The following MYO18B variants were observed in gnomAD, a reference collection of about 807,000 sequenced individuals.
The protein encoded by MYO18B is unconventional myosin-XVIIIb.
Under a neutral mutation model 273.0 loss-of-function variants are expected in MYO18B, and 204 were observed. The observed-to-expected ratio is 0.75, with a 90% CI of 0.67 to 0.84. The LOEUF is 0.84. Among genes scored for constraint, MYO18B ranks in the 40% least tolerant of loss-of-function variants. MYO18B has a pLI of 0.00. For missense variants in MYO18B, 3,212 were observed against 3,287.6 expected, an observed-to-expected ratio of 0.98 and a Z score of 0.56; for synonymous variants, 1,330 against 1,305.7, an observed-to-expected ratio of 1.02 and a Z score of -0.40.
intron 12 of MYO18B, among the ~76,000 whole-genome samples, chr22:25,816,680 C>T (rs1170404437): frequency 1.3e-5 from 2 of 152,166 alleles, no homozygotes; most frequent in East Asian, 1.9e-4. Flanking sequence ...GAATTCTGTT[C>T]GTCATTCCCA....
chr22:25,914,650 C>A (rs2092225994), intron 33 of MYO18B, among the ~76,000 whole-genome samples: 1 of 124,292 alleles, frequency 8.0e-6, no homozygotes, highest in Non-Finnish European at 1.7e-5. Context: ...TCTGCCTTGA[C>A]AATCTTATCA....
At chr22:25,745,090 C>T (rs1284342506) in intron 1 of MYO18B, among the ~76,000 whole-genome samples, 1 of 152,148 alleles carries the variant, frequency 6.6e-6, no homozygotes, top group Admixed American at 6.5e-5. Context: ...TGAATGGGGG[C>T]AGCAAAAATA....
chr22:25,890,981 A>G (rs1221795078), intron 26 of MYO18B, 106 bp downstream of exon 26: 5 of 1,451,840 alleles, frequency 3.4e-6, no homozygotes, highest in Non-Finnish European at 4.6e-6. Flanking sequence ...AGCAAGATGC[A>G]CAGGTTGACT....
chr22:25,928,437 G>C (rs1223207329), intron 34 of MYO18B, among the ~76,000 whole-genome samples: 1 of 145,184 alleles, frequency 6.9e-6, no homozygotes, highest in East Asian at 2.0e-4. Flanking sequence ...CAAGTCCCCA[G>C]CTAAATCACA....
At chr22:26,033,720 C>CT (rs1569316698), downstream of MYO18B, among the ~76,000 whole-genome samples, 2 of 152,066 alleles carry the variant, frequency 1.3e-5, no homozygotes, top group African/African-American at 2.4e-5. Flanking sequence ...CTTTTCTTTT[C>CT]TTTCTTTCTC....
At chr22:25,755,185 T>G (rs533875001) in intron 1 of MYO18B, among the ~76,000 whole-genome samples, 1 of 152,224 alleles carries the variant, frequency 6.6e-6, no homozygotes, top group South Asian at 2.1e-4. Context: ...CCCAGCTTCT[T>G]GTGTCTTTTT....
At chr22:25,968,467 T>C (rs1202435343) in intron 39 of MYO18B, among the ~76,000 whole-genome samples, 1 of 152,172 alleles carries the variant, frequency 6.6e-6, no homozygotes, top group Non-Finnish European at 1.5e-5. Flanking sequence ...TGCAGAGATC[T>C]CTCTGCCTTG....
intron 39 of MYO18B, among the ~76,000 whole-genome samples, chr22:25,987,822 G>A (rs2093218654): frequency 6.6e-6 from 1 of 152,100 alleles, no homozygotes; most frequent in African/African-American, 2.4e-5. Context: ...GATGTTGTTT[G>A]TCTACAGTGT....
In MYO18B at chr22:25,840,477, C is replaced by A. The variant is rs1206578947; in HGVS notation, c.3209-3258C>A. On this transcript the variant is annotated intron_variant, in intron 17 of 43. Coordinates refer to ENST00000335473, the MANE Select transcript of MYO18B (RefSeq NM_032608.7). ...TTTCTCTTCCCCACTGCATTGGTCA[C>A]CAGGGCATGTCCCACACTTGCTCAT... is the stretch of plus-strand genomic sequence containing the variant. 2.0e-5 allele frequency among the ~76,000 whole-genome samples: 3 copies of A among 152,248 alleles called. No homozygotes were observed. The East Asian group carries it at 5.8e-4, about 29-fold the overall frequency.
intron 33 of MYO18B, among the ~76,000 whole-genome samples, chr22:25,912,753 C>G (rs2285201): frequency 6.6e-6 from 1 of 151,958 alleles, no homozygotes; most frequent in East Asian, 1.9e-4. Context: ...GCTTCCTAAT[C>G]TCAATCCTGG....
intron 3 of MYO18B, among the ~76,000 whole-genome samples, chr22:25,766,735 T>C (rs2086520806): frequency 6.6e-6 from 1 of 152,078 alleles, no homozygotes; most frequent in Non-Finnish European, 1.5e-5. Flanking sequence ...TGGGAACAAG[T>C]AGGGACAATA....
chr22:25,860,923 C>G (rs879469127), intron 21 of MYO18B, among the ~76,000 whole-genome samples: 2 of 150,768 alleles, frequency 1.3e-5, no homozygotes, highest in Non-Finnish European at 2.9e-5. Flanking sequence ...GGCTCTTGCT[C>G]TGTTGCCCTG....
chr22:25,988,957 T>A (rs770201323), intron 39 of MYO18B, among the ~76,000 whole-genome samples: 3 of 152,174 alleles, frequency 2.0e-5, no homozygotes, highest in Non-Finnish European at 4.4e-5. Context: ...TATGATATTG[T>A]GGATTTGACT....
At chr22:26,053,885 G>T in the MYO18B span, among the ~76,000 whole-genome samples, 1 of 152,122 alleles carries the variant, frequency 6.6e-6, no homozygotes, top group Non-Finnish European at 1.5e-5. Flanking sequence ...TCTTTGATGG[G>T]TTCTGAGTAG....
chr22:25,759,005 T>G (rs1274549334), intron 1 of MYO18B, among the ~76,000 whole-genome samples: 2 of 152,050 alleles, frequency 1.3e-5, no homozygotes, highest in Non-Finnish European at 2.9e-5. Flanking sequence ...CTGCCTGCCT[T>G]GGCCTCCCAA....
rs1416371753 is a variant in MYO18B at position 25,955,377 on chromosome 22, C to A, written c.6156+13C>A. ...GTGCATGGAGCTGGTGAGTCCTGTC[C>A]CCATCATGGGCTCTTAGCGACTGAG... On this transcript the variant is annotated intron_variant, in intron 39 of 43. Transcript: ENST00000335473. The A allele has an allele frequency of 1.9e-6, 3 of 1,602,538 alleles. No homozygotes were observed. The highest frequency in any genetic ancestry group is 4.5e-5 in the East Asian group (2 of 44,668).
At chr22:25,895,031 T>G in intron 27 of MYO18B, 125 bp from the exon 28 acceptor site, 2 of 1,194,730 alleles carry the variant, frequency 1.7e-6, no homozygotes, top group Non-Finnish European at 2.3e-6. Flanking sequence ...AGGTTGAGGC[T>G]CAAGGGCTCT....
intron 39 of MYO18B, 145 bp from the exon 40 acceptor site, chr22:25,992,218 A>G: frequency 3.3e-6 from 3 of 916,674 alleles, no homozygotes; most frequent in South Asian, 3.3e-5. Flanking sequence ...CTGTCCGCAG[A>G]GAGAGCCTCT....
chr22:26,033,022 A>G (rs555066603), downstream of MYO18B, among the ~76,000 whole-genome samples: 13 of 152,296 alleles, frequency 8.5e-5, no homozygotes, highest in African/African-American at 3.1e-4. Flanking sequence ...ATAATTTACT[A>G]TTCATACAGG....
Sources: allele counts gnomAD v4.1 joint callset (sites outside exome capture counted in the v4.1 genomes callset), GRCh38; gene constraint gnomAD v4.1.1; transcripts MANE v1.5; gene names NCBI Gene and HGNC (gene_info 2026-07-23, HGNC 2026-07-21).